The following PRKRIP1 variants were observed in gnomAD, a reference collection of about 807,000 sequenced individuals.
The protein encoded by PRKRIP1 is PRKR-interacting protein 1.
PRKRIP1 carries 29 observed loss-of-function variants against 29.3 expected under a neutral mutation model. That is an observed-to-expected ratio of 0.99 (90% CI 0.74 to 1.35). The LOEUF (loss-of-function observed/expected upper bound fraction) is 1.35. PRKRIP1 is among the 40% of genes most tolerant of loss of function. The pLI, the probability that PRKRIP1 is intolerant of heterozygous loss-of-function variation, is 0.00. For synonymous variants in PRKRIP1, 90 were observed against 85.1 expected, an observed-to-expected ratio of 1.06 and a Z score of -0.32; for missense variants, 247 against 236.8, an observed-to-expected ratio of 1.04 and a Z score of -0.28.
At chr7:102,410,330 A>C (rs1554572394) in intron 5 of PRKRIP1, among the ~76,000 whole-genome samples, 1 of 152,062 alleles carries the variant, frequency 6.6e-6, no homozygotes, top group African/African-American at 2.4e-5. Context: ...GGTTGGTGGG[A>C]TGTTAAACAG....
In PRKRIP1 at chr7:102,425,221, G is replaced by C; in HGVS notation, c.*110G>C. Reference sequence around the variant, plus strand: ...CAAGGACCCGCTGACCCGCTGGATGGAGAGCAAAGGAGACCCCTCCCGAGC... The same window carrying C: ...CAAGGACCCGCTGACCCGCTGGATGCAGAGCAAAGGAGACCCCTCCCGAGC... On this transcript the variant is annotated 3_prime_UTR_variant, in exon 6 of 6. Transcript: ENST00000397912. The C allele has an allele frequency of 6.6e-7, 1 of 1,525,110 alleles. No individual in the cohort carries two copies. The highest frequency in any genetic ancestry group is 8.8e-7 in the Non-Finnish European group (1 of 1,141,354). The allele number at this position is 1,525,110 out of a possible 1,614,324, so 94.5% of individuals were successfully genotyped here.
At chr7:102,408,075 T>C (rs1554572074) in intron 5 of PRKRIP1, among the ~76,000 whole-genome samples, 1 of 152,186 alleles carries the variant, frequency 6.6e-6, no homozygotes, top group African/African-American at 2.4e-5. Context: ...CAGCGTGATG[T>C]GGCTCAGCAG....
intron 3 of PRKRIP1, among the ~76,000 whole-genome samples, chr7:102,399,984 A>G (rs186221747): frequency 8.2e-4 from 118 of 144,038 alleles, no homozygotes; most frequent in African/African-American, 2.8e-3. Context: ...CTGGGCAACA[A>G]GAGCGAAACT....
intron 5 of PRKRIP1, among the ~76,000 whole-genome samples, chr7:102,416,968 G>C (rs1236459784): frequency 6.6e-6 from 1 of 151,944 alleles, no homozygotes; most frequent in African/African-American, 2.4e-5. Flanking sequence ...CCATTCTCCT[G>C]CCTCAGCCTC....
chr7:102,412,519 C>T (rs111593761), intron 5 of PRKRIP1, among the ~76,000 whole-genome samples: 2 of 152,192 alleles, frequency 1.3e-5, no homozygotes, highest in Non-Finnish European at 2.9e-5. Flanking sequence ...TGCACCACTG[C>T]ACTCCAGCCT....
Position 102,397,706 on chromosome 7 carries a change from CTGTGTGTGTG to C in PRKRIP1, c.205+30_205+39del, listed in dbSNP as rs34218257. ...TTGTCCGAGATGTCATGGGTAATGG[CTGTGTGTGTG>C]TGTGTGTGTGTGTGTGTGTGTAAAT... On this transcript the variant is annotated intron_variant, in intron 2 of 5. Transcript: ENST00000397912. The C allele has an allele frequency of 4.7e-3, 6,236 of 1,329,718 alleles. 16 individuals carry two copies. Among genetic ancestry groups the C allele is most frequent in the Non-Finnish European group, 5.9e-3 (5,678 of 956,140 alleles). 82.4% of individuals were successfully genotyped at this position (1,329,718 alleles called of 1,614,324 possible). A position where few individuals can be genotyped will look rare whatever the true frequency, so the allele number is the denominator to read the frequency against.
intron 5 of PRKRIP1, among the ~76,000 whole-genome samples, chr7:102,411,541 T>C (rs1563618552): frequency 1.3e-5 from 2 of 152,026 alleles, no homozygotes; most frequent in Admixed American, 1.3e-4. Context: ...TGCACCACCA[T>C]GCCCAGCTAA....
rs1363062502 is a variant in PRKRIP1 at position 102,411,489 on chromosome 7, A to G, written c.457+3991A>G. On this transcript the variant is annotated intron_variant, in intron 5 of 5. Coordinates refer to ENST00000397912, the MANE Select transcript of PRKRIP1 (RefSeq NM_024653.4). ...AACCTCCACCTCCTGGGTTCAAGCA[A>G]TTCTCCTGCCTCAGCCTCCCTAATA... 2.0e-5 allele frequency among the ~76,000 whole-genome samples: 3 copies of G among 151,878 alleles called. No homozygotes were observed. In the East Asian group the frequency reaches 5.8e-4, roughly 29 times the overall value.
chr7:102,400,095 G>A (rs1796023930), intron 3 of PRKRIP1, among the ~76,000 whole-genome samples: 1 of 151,418 alleles, frequency 6.6e-6, no homozygotes, highest in Non-Finnish European at 1.5e-5. Context: ...TGCCTTCTAC[G>A]GACAGCACAA....
intron 5 of PRKRIP1, among the ~76,000 whole-genome samples, chr7:102,422,223 G>A (rs2133205673): frequency 6.7e-6 from 1 of 150,286 alleles, no homozygotes; most frequent in Admixed American, 6.7e-5. Flanking sequence ...TGCCCAGGCT[G>A]GAGTACAGTG....
At chr7:102,399,688 G>A (rs1554570959) in intron 3 of PRKRIP1, 40 bp downstream of exon 3, 12 of 1,481,196 alleles carry the variant, frequency 8.1e-6, no homozygotes, top group Non-Finnish European at 1.1e-5. Flanking sequence ...CCATGTTTGG[G>A]CAGTGTGCGT....
At chr7:102,419,122 A>G (rs1374358300) in intron 5 of PRKRIP1, among the ~76,000 whole-genome samples, 1 of 152,152 alleles carries the variant, frequency 6.6e-6, no homozygotes, top group African/African-American at 2.4e-5. Context: ...TTTTAAAATT[A>G]GCATAATTCA....
At chr7:102,407,832 C>T (rs1323297223) in intron 5 of PRKRIP1, among the ~76,000 whole-genome samples, 2 of 152,132 alleles carry the variant, frequency 1.3e-5, no homozygotes, top group Admixed American at 1.3e-4. Flanking sequence ...TTTGAGGTGC[C>T]TGCAGCAGCT....
chr7:102,418,876 A>T (rs144373680), intron 5 of PRKRIP1, among the ~76,000 whole-genome samples: 114 of 152,042 alleles, frequency 7.5e-4, no homozygotes, highest in African/African-American at 2.6e-3. Context: ...TAAAAAAAAA[A>T]TTTGAGACGA....
chr7:102,420,421 A>G (rs114095025), intron 5 of PRKRIP1, among the ~76,000 whole-genome samples: 1,565 of 152,230 alleles, frequency 0.01, 24 homozygotes, highest in African/African-American at 0.034. Context: ...CCATCCTAAT[A>G]TATGTGTTGT....
At chr7:102,419,876 TG>T (rs1554573558) in intron 5 of PRKRIP1, among the ~76,000 whole-genome samples, 6 of 148,590 alleles carry the variant, frequency 4.0e-5, no homozygotes, top group Non-Finnish European at 8.9e-5. Context: ...TGTGTGTGTG[TG>T]TGTGTGTGTG....
chr7:102,399,438 A>G, intron 2 of PRKRIP1, 110 bp from the exon 3 acceptor site: 3 of 800,526 alleles, frequency 3.7e-6, no homozygotes, highest in Non-Finnish European at 6.5e-6. Flanking sequence ...AAAGGAAGGC[A>G]TGGTCCCTTC....
At chr7:102,403,766 A>T (rs1554571483) in intron 3 of PRKRIP1, among the ~76,000 whole-genome samples, 3 of 152,248 alleles carry the variant, frequency 2.0e-5, no homozygotes, top group Non-Finnish European at 2.9e-5. Flanking sequence ...GCTTGGAGAC[A>T]GAACTGCTGA....
intron 5 of PRKRIP1, among the ~76,000 whole-genome samples, chr7:102,412,043 C>T (rs541298143): frequency 1.8e-4 from 27 of 151,870 alleles, no homozygotes; most frequent in South Asian, 8.3e-4. Context: ...CCACCATGCC[C>T]GGCTGATTTT....
Sources: allele counts gnomAD v4.1 joint callset (sites outside exome capture counted in the v4.1 genomes callset), GRCh38; gene constraint gnomAD v4.1.1; transcripts MANE v1.5; gene names NCBI Gene and HGNC (gene_info 2026-07-23, HGNC 2026-07-21).